The following ZNF490 variants were observed in gnomAD, a reference collection of about 807,000 sequenced individuals.
ZNF490 encodes the protein zinc finger protein 490.
A neutral mutation model predicts 17.7 loss-of-function variants in ZNF490; 11 were observed. That is an observed-to-expected ratio of 0.62 (90% CI 0.39 to 1.03). ZNF490 has a LOEUF of 1.03. ZNF490 is among the 50% of genes least tolerant of loss of function. ZNF490 has a pLI of 0.00. For missense variants in ZNF490, 542 were observed against 643.4 expected, an observed-to-expected ratio of 0.84 and a Z score of 1.71; for synonymous variants, 222 against 216.1, an observed-to-expected ratio of 1.03 and a Z score of -0.24.
intron 2 of ZNF490, among the ~76,000 whole-genome samples, chr19:12,594,393 G>C (rs2022908298): frequency 6.6e-6 from 1 of 151,870 alleles, no homozygotes; most frequent in East Asian, 1.9e-4. Context: ...TTGAACCAGG[G>C]AGGCAGAGGT....
At chr19:12,594,502 T>C (rs926361443) in intron 2 of ZNF490, among the ~76,000 whole-genome samples, 1 of 150,978 alleles carries the variant, frequency 6.6e-6, no homozygotes, top group African/African-American at 2.4e-5. Flanking sequence ...AAAAAGAGCA[T>C]CTATAGTGCT....
At chr19:12,604,467 T>C (rs1180667245) in intron 2 of ZNF490, among the ~76,000 whole-genome samples, 1 of 151,996 alleles carries the variant, frequency 6.6e-6, no homozygotes, top group Admixed American at 6.6e-5. Flanking sequence ...CTGGCCAGCA[T>C]GGTGAAACCC....
Position 12,580,700 on chromosome 19 carries a change from T to TGAA in ZNF490, c.1372_1374dup (p.Phe458dup). 6.2e-7 allele frequency: 1 copy of TGAA among 1,614,144 alleles called. No homozygotes were observed. Among genetic ancestry groups the TGAA allele is most frequent in the Non-Finnish European group, 8.5e-7 (1 of 1,180,006 alleles). ...CTTCTTTCGTGCCTTCGAAGGTGAC[T>TGAA]GAAGTAAATGAAGACCCGACCACAC... On this transcript the variant is annotated inframe_insertion, in exon 5 of 5. Coordinates refer to ENST00000311437, the MANE Select transcript of ZNF490 (RefSeq NM_020714.3).
At position 12,602,074 on chromosome 19, in the gene ZNF490, C is replaced by CTATATATA. The variant is rs145824680; in HGVS notation, c.162+7083_162+7084insTATATATA. The stretch of plus-strand genomic sequence containing the variant: ...GGCACCGTTTTTGAAACTCAGTTCA[C>CTATATATA]TATATACACACACACACACACACAC... On this transcript the variant is annotated intron_variant, in intron 2 of 4. Transcript: ENST00000311437. Among the ~76,000 whole-genome samples, 326 of 131,522 alleles carry CTATATATA rather than the reference C, an allele frequency of 2.5e-3. 2 individuals are homozygous for CTATATATA. The highest frequency in any genetic ancestry group is 9.5e-3 in the African/African-American group (317 of 33,394). The allele number at this position is 131,522 out of a possible 152,430, so 86.3% of individuals were successfully genotyped here. A position where few individuals can be genotyped will look rare whatever the true frequency, so the allele number is the denominator to read the frequency against.
In ZNF490 at chr19:12,576,303, C is replaced by T. The variant is rs531658655; in HGVS notation, c.*4182G>A. On this transcript the variant is annotated 3_prime_UTR_variant, in exon 5 of 5. Coordinates refer to ENST00000311437, the MANE Select transcript of ZNF490 (RefSeq NM_020714.3). Reference sequence around the variant, plus strand: ...CAGGCAGATCACAAGGTCAGGAGGGCGAGACCATCCTGGCCAACATGGTGA... The same window carrying T: ...CAGGCAGATCACAAGGTCAGGAGGGTGAGACCATCCTGGCCAACATGGTGA... Among the ~76,000 whole-genome samples the T allele has an allele frequency of 1.3e-4, 19 of 151,830 alleles. No individual in the cohort carries two copies. In the South Asian group the frequency reaches 3.5e-3, roughly 28 times the overall value.
At chr19:12,582,312 G>A (rs1051856278) in intron 4 of ZNF490, among the ~76,000 whole-genome samples, 1 of 151,392 alleles carries the variant, frequency 6.6e-6, no homozygotes, top group Admixed American at 6.6e-5. Flanking sequence ...GGCTGGTGTT[G>A]AACTCCTGGC....
rs1471314410 is a variant in ZNF490, at chr19:12,593,220, A to G, written c.163-9664T>C. Among the ~76,000 whole-genome samples, 3 of 151,972 alleles carry G rather than the reference A, an allele frequency of 2.0e-5. No individual in the cohort carries two copies. In the East Asian group the frequency reaches 5.8e-4, roughly 29 times the overall value. On this transcript the variant is annotated intron_variant, in intron 2 of 4. Coordinates refer to ENST00000311437, the MANE Select transcript of ZNF490 (RefSeq NM_020714.3). ...TGACTTATATGGCTAGCCGTGAGGT[A>G]AAAAAAGATTCCCAGAGTTTTGTGG...
At chr19:12,590,034 C>T (rs2022850100) in intron 2 of ZNF490, among the ~76,000 whole-genome samples, 2 of 152,010 alleles carry the variant, frequency 1.3e-5, no homozygotes, top group Admixed American at 1.3e-4. Flanking sequence ...CCTGCCTCAG[C>T]CTCCGGAGTA....
chr19:12,600,476 T>C (rs1490375098), intron 2 of ZNF490, among the ~76,000 whole-genome samples: 1 of 152,150 alleles, frequency 6.6e-6, no homozygotes, highest in South Asian at 2.1e-4. Flanking sequence ...AAGTCAAATA[T>C]AAAATGGAGT....
chr19:12,605,309 C>G (rs1184501784), intron 2 of ZNF490, among the ~76,000 whole-genome samples: 1 of 152,062 alleles, frequency 6.6e-6, no homozygotes, highest in Admixed American at 6.6e-5. Flanking sequence ...GAGCGAGACC[C>G]TAACTTTACA....
chr19:12,595,223 C>G (rs1480293672), intron 2 of ZNF490, among the ~76,000 whole-genome samples: 4 of 151,058 alleles, frequency 2.6e-5, no homozygotes, highest in African/African-American at 4.9e-5. Flanking sequence ...CTCACCACAA[C>G]CTCCGCCTCC....
Position 12,583,463 on chromosome 19 carries a change from T to C in ZNF490, c.256A>G (p.Met86Val). 1.2e-6 allele frequency: 2 copies of C among 1,606,516 alleles called. No individual in the cohort carries two copies. The highest frequency in any genetic ancestry group is 1.7e-6 in the Non-Finnish European group (2 of 1,175,174). ...GCCAGGTTCTTGAAGGTTGCCCGCA[T>C]CACATCTCTGTAGATATTCCTCTGG... ...PGQRNIYRDV[M>V]RATFKNLACI... The change falls in exon 3 of 5, where the codon ATG becomes GTG. Residue 86 changes from methionine (M) to valine (V), a missense_variant. Physicochemically the swap from Met to Val is conservative, Grantham distance 21. Coordinates refer to ENST00000311437, the MANE Select transcript of ZNF490 (RefSeq NM_020714.3).
Position 12,580,534 on chromosome 19 carries a change from G to A in ZNF490, c.1541C>T (p.Ser514Leu). The A allele has an allele frequency of 1.2e-6, 2 of 1,612,622 alleles. No homozygotes were observed. The highest frequency in any genetic ancestry group is 1.1e-5 in the South Asian group (1 of 90,956). Residue 514 changes from serine to leucine, a missense_variant, in exon 5 of 5, where the codon TCA becomes TTA. Ser to Leu is a moderately radical substitution (Grantham distance 145). Transcript: ENST00000311437. ...CCTTTCGTGCACGTGCAAAGACTTT[G>A]AGTAACTGAAGGCTTTACCACATTG... ...CRQCGKAFSY[S>L]KSLHVHERTH...
rs2022719296 is a variant in ZNF490, at chr19:12,580,751, T to C, written c.1324A>G (p.Arg442Gly). Residue 442 changes from arginine (R) to glycine (G), a missense_variant, in exon 5 of 5, where the codon AGA (arginine) becomes GGA (glycine). Physicochemically the swap from Arg to Gly is moderately radical, Grantham distance 125. Coordinates refer to ENST00000311437, the MANE Select transcript of ZNF490 (RefSeq NM_020714.3). ...TGTTTGCATTCATAGGGTTTCTCTC[T>C]AGTATGGGTTCTTTCATGGATTCGA... ...HFRIHERTHT[R>G]EKPYECKQCG... The C allele has an allele frequency of 1.2e-6, 2 of 1,614,178 alleles. No homozygotes were observed. The highest frequency in any genetic ancestry group is 1.7e-6 in the Non-Finnish European group (2 of 1,180,036).
intron 2 of ZNF490, among the ~76,000 whole-genome samples, chr19:12,590,157 C>T (rs550350681): frequency 4.0e-5 from 6 of 151,804 alleles, no homozygotes; most frequent in Non-Finnish European, 7.4e-5. Context: ...CCTTGTGATA[C>T]GCCCGTCTCA....
intron 2 of ZNF490, among the ~76,000 whole-genome samples, chr19:12,585,080 T>C (rs1210459205): frequency 1.1e-5 from 1 of 92,808 alleles, no homozygotes; most frequent in African/African-American, 3.2e-5. Flanking sequence ...TGGCTGGGGA[T>C]TTTTACTGAC....
intron 2 of ZNF490, among the ~76,000 whole-genome samples, chr19:12,593,497 G>A (rs978798618): frequency 1.3e-5 from 2 of 151,910 alleles, no homozygotes; most frequent in Non-Finnish European, 2.9e-5. Context: ...TGATCCACCC[G>A]CCTCAGCCTC....
At chr19:12,583,008 A>C in intron 3 of ZNF490, 98 bp from the exon 4 acceptor site, 2 of 984,982 alleles carry the variant, frequency 2.0e-6, no homozygotes, top group Non-Finnish European at 3.0e-6. Flanking sequence ...TAGCTATGAC[A>C]CTGTCTGATC....
intron 2 of ZNF490, among the ~76,000 whole-genome samples, chr19:12,600,355 G>T (rs1410802845): frequency 1.3e-5 from 2 of 151,478 alleles, no homozygotes; most frequent in African/African-American, 4.9e-5. Context: ...GAAAGAGCGA[G>T]ACTCTGTCTC....
Sources: allele counts gnomAD v4.1 joint callset (sites outside exome capture counted in the v4.1 genomes callset), GRCh38; gene constraint gnomAD v4.1.1; transcripts MANE v1.5; gene names NCBI Gene and HGNC (gene_info 2026-07-23, HGNC 2026-07-21).